The following BRAF variants were observed in gnomAD, a reference collection of about 807,000 sequenced individuals.
The protein encoded by BRAF is B-Raf proto-oncogene, serine/threonine kinase.
Under a neutral mutation model 104.6 loss-of-function variants are expected in BRAF, and 16 were observed. The observed-to-expected ratio is 0.15, with a 90% CI of 0.10 to 0.23. The LOEUF (loss-of-function observed/expected upper bound fraction) is 0.23, where lower values mean the gene tolerates loss of function less well. Among genes scored for constraint, BRAF ranks in the 10% least tolerant of loss-of-function variants. The pLI is 1.00. For synonymous variants in BRAF, 310 were observed against 341.6 expected, an observed-to-expected ratio of 0.91 and a Z score of 1.02; for missense variants, 541 against 937.3, an observed-to-expected ratio of 0.58 and a Z score of 5.52.
At chr7:140,802,762 T>A (rs1017575825) in intron 5 of BRAF, among the ~76,000 whole-genome samples, 7 of 152,202 alleles carry the variant, frequency 4.6e-5, no homozygotes, top group Non-Finnish European at 8.8e-5. Context: ...TTAAAAAAAA[T>A]TAAACCTTAG....
chr7:140,713,673 G>A, the BRAF span, among the ~76,000 whole-genome samples: 1 of 152,200 alleles, frequency 6.6e-6, no homozygotes, highest in Non-Finnish European at 1.5e-5. Flanking sequence ...CTTTGGAGGA[G>A]GAGAGGCGCT....
intron 1 of BRAF, among the ~76,000 whole-genome samples, chr7:140,886,546 G>A (rs1272763245): frequency 6.6e-6 from 1 of 152,200 alleles, no homozygotes; most frequent in East Asian, 1.9e-4. Context: ...TTCAGCAGCA[G>A]AGCAGAGCCT....
At position 140,800,388 on chromosome 7, in the gene BRAF, A is replaced by AG; in HGVS notation, c.953dup (p.Ser319PhefsTer33). On this transcript the variant is annotated frameshift_variant, in exon 7 of 20. Coordinates refer to ENST00000644969, the MANE Select transcript of BRAF (RefSeq NM_001374258.1). LOFTEE classifies it high-confidence loss of function. ...CAATAGAGTCCGAGGCGGGTGCGGA[A>AG]GGGGATGATCCAGATGTTAGGGCAG... 1 of 1,614,172 alleles carries AG rather than the reference A, an allele frequency of 6.2e-7. No individual in the cohort carries two copies. Among genetic ancestry groups the AG allele is most frequent in the Non-Finnish European group, 8.5e-7 (1 of 1,180,016 alleles).
chr7:140,748,286 TC>T (rs1204799619), intron 17 of BRAF, among the ~76,000 whole-genome samples: 1 of 152,160 alleles, frequency 6.6e-6, no homozygotes, highest in African/African-American at 2.4e-5. Context: ...AACTACCATT[TC>T]ATTAGGTTGG....
At chr7:140,858,107 G>A (rs1810003902) in intron 1 of BRAF, among the ~76,000 whole-genome samples, 1 of 152,126 alleles carries the variant, frequency 6.6e-6, no homozygotes, top group Non-Finnish European at 1.5e-5. Context: ...AAAATCATTA[G>A]GAGAAAAGCT....
chr7:140,730,533 A>G, intron 19 of BRAF, 132 bp downstream of exon 18: 1 of 151,958 alleles, frequency 6.6e-6, no homozygotes, highest in Admixed American at 6.6e-5. Context: ...TGCCCAGCTA[A>G]TTTTTGTATT....
At chr7:140,921,289 G>C (rs1436980839) in intron 1 of BRAF, among the ~76,000 whole-genome samples, 2 of 151,990 alleles carry the variant, frequency 1.3e-5, no homozygotes, top group African/African-American at 4.8e-5. Flanking sequence ...AATATAAATG[G>C]TCAGATGTTA....
chr7:140,881,475 G>T (rs1331971761), intron 1 of BRAF, among the ~76,000 whole-genome samples: 1 of 152,126 alleles, frequency 6.6e-6, no homozygotes, highest in Non-Finnish European at 1.5e-5. Context: ...GGCTGGTCTC[G>T]AACTCCTAGC....
chr7:140,915,993 C>A (rs1375921732), intron 1 of BRAF, among the ~76,000 whole-genome samples: 4 of 146,136 alleles, frequency 2.7e-5, no homozygotes, highest in Non-Finnish European at 4.5e-5. Context: ...AACAAACAAA[C>A]AAACAAAAAA....
chr7:140,905,411 C>T (rs373828172), intron 1 of BRAF, among the ~76,000 whole-genome samples: 133 of 152,314 alleles, frequency 8.7e-4, no homozygotes, highest in African/African-American at 3.1e-3. Context: ...GCCAATAATG[C>T]TTTCTGCCTT....
intron 3 of BRAF, among the ~76,000 whole-genome samples, chr7:140,825,639 C>G (rs1805967222): frequency 1.3e-5 from 2 of 152,156 alleles, no homozygotes; most frequent in African/African-American, 4.8e-5. Context: ...TGAACTCCTT[C>G]TCTGGAAAGG....
At chr7:140,884,536 T>C (rs997500604) in intron 1 of BRAF, among the ~76,000 whole-genome samples, 2 of 151,130 alleles carry the variant, frequency 1.3e-5, no homozygotes, top group African/African-American at 4.9e-5. Flanking sequence ...GGCAGGAATG[T>C]AGTGCATGAC....
chr7:140,721,796 T>A lies in BRAF; in HGVS notation c.*4698A>T. ...AGCATGGAATATGTTTTCTTTTACA[T>A]CCAATGGCCAGGTCATAAAGGATGC... On this transcript the variant is annotated 3_prime_UTR_variant, in exon 20 of 20. Coordinates refer to ENST00000644969, the MANE Select transcript of BRAF (RefSeq NM_001374258.1). The A allele has an allele frequency of 1.4e-6, 2 of 1,422,786 alleles. No individual in the cohort carries two copies. Among genetic ancestry groups the A allele is most frequent in the Non-Finnish European group, 1.8e-6 (2 of 1,089,962 alleles). The allele number at this position is 1,422,786 out of a possible 1,614,324, so 88.1% of individuals were successfully genotyped here. A position where few individuals can be genotyped will look rare whatever the true frequency, so the allele number is the denominator to read the frequency against.
intron 4 of BRAF, among the ~76,000 whole-genome samples, chr7:140,808,550 T>C: frequency 6.6e-6 from 1 of 151,888 alleles, no homozygotes; most frequent in Non-Finnish European, 1.5e-5. Flanking sequence ...ATGTTAATTT[T>C]GATATACCTT....
intron 17 of BRAF, among the ~76,000 whole-genome samples, chr7:140,746,725 G>C (rs1385861188): frequency 6.6e-6 from 1 of 151,674 alleles, no homozygotes; most frequent in Non-Finnish European, 1.5e-5. Context: ...CCAGCTACTC[G>C]GGAGGCTGAG....
chr7:140,884,799 T>C (rs1348581368), intron 1 of BRAF, among the ~76,000 whole-genome samples: 2 of 152,080 alleles, frequency 1.3e-5, no homozygotes, highest in African/African-American at 4.8e-5. Context: ...TTTATCTATG[T>C]AGTTTATCGC....
intron 3 of BRAF, among the ~76,000 whole-genome samples, chr7:140,826,686 C>T (rs1806089249): frequency 6.6e-6 from 1 of 152,106 alleles, no homozygotes; most frequent in African/African-American, 2.4e-5. Flanking sequence ...GTATAAGTTC[C>T]ATCTCAAAAA....
At chr7:140,781,537 A>G (rs771698407) in intron 12 of BRAF, 39 bp downstream of exon 11, 2 of 1,539,294 alleles carry the variant, frequency 1.3e-6, no homozygotes, top group Admixed American at 3.3e-5. Context: ...AACATATCCT[A>G]TTATGACTTG....
At chr7:140,797,760 G>A (rs973761428) in intron 7 of BRAF, among the ~76,000 whole-genome samples, 2 of 152,122 alleles carry the variant, frequency 1.3e-5, no homozygotes, top group Admixed American at 6.5e-5. Context: ...ACTGCTCACA[G>A]AACTGGGACC....
Sources: gnomAD v4.1 joint callset for allele counts (sites outside exome capture counted in the v4.1 genomes callset) on GRCh38, gnomAD v4.1.1 for gene constraint, MANE v1.5 for transcripts, NCBI Gene and HGNC (gene_info 2026-07-23, HGNC 2026-07-21) for gene names.